Variants in SMYD3 observed in about 807,000 individuals in gnomAD.
SMYD3 encodes the protein SET and MYND domain containing 3, also known as histone-lysine N-methyltransferase SMYD3.
A neutral mutation model predicts 57.7 loss-of-function variants in SMYD3; 36 were observed. The ratio of observed to expected loss-of-function variants is 0.62; its 90% CI spans 0.48 to 0.82. The LOEUF (loss-of-function observed/expected upper bound fraction) is 0.82, where lower values mean the gene tolerates loss of function less well. Ranked by LOEUF, SMYD3 falls within the 40% of genes least tolerant of loss-of-function variation. The pLI, the probability that SMYD3 is intolerant of heterozygous loss-of-function variation, is 0.00. For synonymous variants in SMYD3, 211 were observed against 195.0 expected, an observed-to-expected ratio of 1.08 and a Z score of -0.68; for missense variants, 515 against 538.8, an observed-to-expected ratio of 0.96 and a Z score of 0.44.
At chr1:245,868,623 A>G (rs564702594) in intron 8 of SMYD3, among the ~76,000 whole-genome samples, 1 of 152,334 alleles carries the variant, frequency 6.6e-6, no homozygotes, top group African/African-American at 2.4e-5. Flanking sequence ...TTTGCTTAAC[A>G]GAAGAGCAAG....
intron 5 of SMYD3, among the ~76,000 whole-genome samples, chr1:246,145,319 T>C (rs138655578): frequency 1.3e-5 from 2 of 152,224 alleles, no homozygotes; most frequent in Non-Finnish European, 2.9e-5. Context: ...TTATAATGTA[T>C]GTAGTGTCAG....
At chr1:246,021,808 A>G (rs572596923) in intron 5 of SMYD3, among the ~76,000 whole-genome samples, 1 of 152,304 alleles carries the variant, frequency 6.6e-6, no homozygotes, top group African/African-American at 2.4e-5. Context: ...ATTCAAATGG[A>G]AAATGGAAAG....
At position 246,255,487 on chromosome 1, in the gene SMYD3, T is replaced by A. The variant is rs1172005657; in HGVS notation, c.531+71714A>T. Reference sequence around the variant, plus strand: ...TTATGTGGTGAATCACACGTTTTGATTTGCATATATTGAATCAACTTTCAT... The same window carrying A: ...TTATGTGGTGAATCACACGTTTTGAATTGCATATATTGAATCAACTTTCAT... On this transcript the variant is annotated intron_variant, in intron 5 of 11. Transcript: ENST00000490107. Among the ~76,000 whole-genome samples the A allele has an allele frequency of 2.0e-5, 3 of 152,080 alleles. No individual in the cohort carries two copies. In the East Asian group the frequency reaches 5.8e-4, roughly 29 times the overall value.
intron 10 of SMYD3, among the ~76,000 whole-genome samples, chr1:245,857,581 G>A (rs949588976): frequency 6.6e-6 from 1 of 152,184 alleles, no homozygotes; most frequent in Admixed American, 6.5e-5. Context: ...ATCTGCCCAG[G>A]TTGGAGCCCC....
intron 5 of SMYD3, among the ~76,000 whole-genome samples, chr1:246,197,139 T>C (rs1396326568): frequency 6.6e-6 from 1 of 152,194 alleles, no homozygotes; most frequent in African/African-American, 2.4e-5. Flanking sequence ...ATAAAATAAA[T>C]TGTGTACGAA....
Position 246,203,554 on chromosome 1 carries a change from G to A in SMYD3, c.531+123647C>T, listed in dbSNP as rs146100676. ...CCACTGTCTTGCTGCCTCCTGACAC[G>A]GCAGTCCCTCTGCGCACATGTGCTG... On this transcript the variant is annotated intron_variant, in intron 5 of 11. Coordinates refer to ENST00000490107, the MANE Select transcript of SMYD3 (RefSeq NM_001167740.2). The surrounding 1 kb of genome is among the most constrained non-coding windows in gnomAD (Gnocchi z 4.6). Among the ~76,000 whole-genome samples the A allele has an allele frequency of 5.1e-3, 778 of 152,246 alleles. 4 individuals carry two copies. The highest frequency in any genetic ancestry group is 0.027 in the Middle Eastern group (8 of 294).
At chr1:246,469,441 T>C (rs2067928753) in intron 1 of SMYD3, among the ~76,000 whole-genome samples, 1 of 152,214 alleles carries the variant, frequency 6.6e-6, no homozygotes, top group South Asian at 2.1e-4. Flanking sequence ...GAACATTTTG[T>C]TGGACTGGAA....
intron 5 of SMYD3, among the ~76,000 whole-genome samples, chr1:246,307,565 G>GGCA (rs2065005244): frequency 6.7e-6 from 1 of 149,998 alleles, no homozygotes; most frequent in African/African-American, 2.4e-5. Flanking sequence ...GACTACAGGC[G>GGCA]CCCGCCACCA....
At chr1:245,783,520 G>C (rs1317003) in intron 10 of SMYD3, among the ~76,000 whole-genome samples, 99,715 of 151,804 alleles carry the variant, frequency 0.66, 35,124 homozygotes, top group African/African-American at 0.91. Context: ...TACTCATATT[G>C]AACATAATAG....
intron 5 of SMYD3, among the ~76,000 whole-genome samples, chr1:246,080,424 C>T (rs1001478676): frequency 6.7e-6 from 1 of 150,066 alleles, no homozygotes; most frequent in Non-Finnish European, 1.5e-5. Context: ...CTAACTAATG[C>T]CTGATGATCT....
chr1:246,077,004 C>T (rs1004060748), intron 5 of SMYD3, among the ~76,000 whole-genome samples: 19 of 152,084 alleles, frequency 1.2e-4, no homozygotes, highest in African/African-American at 4.3e-4. Context: ...TTTGTCCTTG[C>T]AGGATGAGGT....
chr1:245,785,397 A>G (rs2046992823), intron 10 of SMYD3, among the ~76,000 whole-genome samples: 1 of 152,124 alleles, frequency 6.6e-6, no homozygotes. Context: ...CTTTCAATCA[A>G]CAGACTAAGT....
chr1:245,919,779 C>A (rs548934970), intron 7 of SMYD3, among the ~76,000 whole-genome samples: 2 of 152,252 alleles, frequency 1.3e-5, no homozygotes, highest in African/African-American at 4.8e-5. Flanking sequence ...GGCCATTGAT[C>A]AGTAGACACC....
chr1:245,859,518 A>G (rs567640279), intron 9 of SMYD3, among the ~76,000 whole-genome samples: 13 of 152,340 alleles, frequency 8.5e-5, no homozygotes, highest in African/African-American at 3.1e-4. Context: ...AGAGGCAGTC[A>G]GAGGACTGAG....
At chr1:246,153,060 C>G (rs2061968302) in intron 5 of SMYD3, among the ~76,000 whole-genome samples, 1 of 152,146 alleles carries the variant, frequency 6.6e-6, no homozygotes, top group Non-Finnish European at 1.5e-5. Context: ...GGGCCCAGAA[C>G]CGTATCACAT....
At chr1:246,351,863 C>T (rs952744049) in intron 2 of SMYD3, among the ~76,000 whole-genome samples, 8 of 151,984 alleles carry the variant, frequency 5.3e-5, no homozygotes, top group Non-Finnish European at 1.0e-4. Flanking sequence ...GCACCAGATG[C>T]GGTGGCTCAC....
intron 5 of SMYD3, chr1:246,326,894 A>G: frequency 2.6e-6 from 1 of 379,832 alleles, no homozygotes; most frequent in Admixed American, 4.5e-5. Flanking sequence ...TTCACAAAAA[A>G]TAATGGGATA....
chr1:245,789,938 T>C (rs1430387767), intron 10 of SMYD3, among the ~76,000 whole-genome samples: 1 of 152,260 alleles, frequency 6.6e-6, no homozygotes, highest in African/African-American at 2.4e-5. Context: ...CATTCATTCA[T>C]GCATTCACAT....
intron 5 of SMYD3, among the ~76,000 whole-genome samples, chr1:246,170,348 T>A (rs1241501855): frequency 1.3e-5 from 2 of 151,782 alleles, no homozygotes; most frequent in Admixed American, 1.3e-4. Context: ...ATATGCCTCA[T>A]GGTTGCATGT....
Sources: allele counts gnomAD v4.1 joint callset (sites outside exome capture counted in the v4.1 genomes callset), GRCh38; gene constraint gnomAD v4.1.1; non-coding constraint Gnocchi (gnomAD v3.1); transcripts MANE v1.5; gene names NCBI Gene and HGNC (gene_info 2026-07-23, HGNC 2026-07-21).